STX12: variants seen among roughly 807,000 people sequenced by gnomAD.
STX12 encodes syntaxin-12.
Under a neutral mutation model 42.2 loss-of-function variants are expected in STX12, and 17 were observed. The ratio of observed to expected loss-of-function variants is 0.40; its 90% CI spans 0.28 to 0.60. The LOEUF (loss-of-function observed/expected upper bound fraction) is 0.60, where lower values mean the gene tolerates loss of function less well. Ranked by LOEUF, STX12 falls within the 20% of genes least tolerant of loss-of-function variation. The pLI is 0.39. For missense variants in STX12, 297 were observed against 330.9 expected, an observed-to-expected ratio of 0.90 and a Z score of 0.79; for synonymous variants, 108 against 116.7, an observed-to-expected ratio of 0.93 and a Z score of 0.48.
At position 27,773,318 on chromosome 1, in the gene STX12, G is replaced by T; in HGVS notation, c.11G>T (p.Gly4Val). The T allele has an allele frequency of 6.2e-7, 1 of 1,609,690 alleles. No individual in the cohort carries two copies. The highest frequency in any genetic ancestry group is 1.1e-5 in the South Asian group (1 of 90,604). MSYGPLDMYRNPGP... is the reference protein window; with the variant it reads MSYVPLDMYRNPGP... ...TCTCAGCTCCTCGTCATGTCATACG[G>T]TCCCTTAGACATGTACCGGAACCCG... is the stretch of plus-strand genomic sequence containing the variant. Residue 4 changes from glycine to valine, a missense_variant, in exon 1 of 9, where the codon GGT becomes GTT. Coordinates refer to ENST00000373943, the MANE Select transcript of STX12 (RefSeq NM_177424.3).
chr1:27,792,942 T>G (rs539123127), intron 2 of STX12, among the ~76,000 whole-genome samples: 36 of 152,318 alleles, frequency 2.4e-4, no homozygotes, highest in Non-Finnish European at 3.5e-4. Context: ...TTTTAACAGG[T>G]AAGGCTTCTT....
intron 4 of STX12, chr1:27,810,014 C>T (rs2088892571): frequency 1.3e-5 from 5 of 391,580 alleles, no homozygotes; most frequent in Non-Finnish European, 2.3e-5. Flanking sequence ...TATTATTCTC[C>T]ACCCTGTTCA....
chr1:27,781,045 A>T (rs2088664829), intron 1 of STX12, among the ~76,000 whole-genome samples: 1 of 151,774 alleles, frequency 6.6e-6, no homozygotes, highest in African/African-American at 2.4e-5. Context: ...TGACATTATT[A>T]TTATTTTTAT....
At chr1:27,816,279 A>G (rs2088940415) in intron 6 of STX12, among the ~76,000 whole-genome samples, 6 of 151,676 alleles carry the variant, frequency 4.0e-5, no homozygotes, top group Non-Finnish European at 7.4e-5. Context: ...GCACCATTGC[A>G]CTCCAGCCTA....
At chr1:27,776,582 T>C (rs1234517655) in intron 1 of STX12, among the ~76,000 whole-genome samples, 1 of 152,034 alleles carries the variant, frequency 6.6e-6, no homozygotes, top group Non-Finnish European at 1.5e-5. Flanking sequence ...CCAGACATGG[T>C]AGCATGTGCC....
chr1:27,821,362 A>G (rs2088983239), intron 8 of STX12, among the ~76,000 whole-genome samples: 1 of 152,166 alleles, frequency 6.6e-6, no homozygotes, highest in Non-Finnish European at 1.5e-5. Context: ...ATTGTTGCAT[A>G]TGGGAATTAA....
At chr1:27,802,458 G>A (rs1490484966) in intron 4 of STX12, among the ~76,000 whole-genome samples, 2 of 152,118 alleles carry the variant, frequency 1.3e-5, no homozygotes, top group Non-Finnish European at 2.9e-5. Context: ...TCTATCCCCC[G>A]GCAGATTACA....
chr1:27,793,619 C>G lies in STX12; in HGVS notation c.275C>G (p.Ser92Cys). 1.2e-6 allele frequency: 2 copies of G among 1,613,738 alleles called. No homozygotes were observed. The highest frequency in any genetic ancestry group is 2.2e-5 in the East Asian group (1 of 44,872). Residue 92 changes from serine (S) to cysteine (C), a missense_variant, in exon 3 of 9, where the codon TCT becomes TGT. Coordinates refer to ENST00000373943, the MANE Select transcript of STX12 (RefSeq NM_177424.3). ...TTAGGGTCCTTGCCCCTTCCCTTAT[C>G]TACTTCAGAACAGGTTGGTATTTTC... ...KELGSLPLPL[S>C]TSEQRQQRLQ...
chr1:27,789,508 T>C, intron 1 of STX12, 54 bp from the exon 2 acceptor site: 1 of 1,361,270 alleles, frequency 7.3e-7, no homozygotes, highest in Non-Finnish European at 1.0e-6. Flanking sequence ...AGTAGGGTAC[T>C]CATGATGAAT....
intron 4 of STX12, among the ~76,000 whole-genome samples, chr1:27,808,522 G>A (rs2088880353): frequency 6.6e-6 from 1 of 151,712 alleles, no homozygotes; most frequent in South Asian, 2.1e-4. Context: ...TTGTATTTTA[G>A]TAGAGACGGG....
At chr1:27,778,700 A>G (rs1030771935) in intron 1 of STX12, among the ~76,000 whole-genome samples, 4 of 131,534 alleles carry the variant, frequency 3.0e-5, no homozygotes, top group Non-Finnish European at 4.7e-5. Flanking sequence ...CCATCTCAGG[A>G]AAAAAAAAAA....
chr1:27,816,309 A>G (rs567444546), intron 6 of STX12, among the ~76,000 whole-genome samples: 61 of 151,228 alleles, frequency 4.0e-4, no homozygotes, highest in African/African-American at 1.4e-3. Flanking sequence ...GTGAAACTCT[A>G]CCTCAGAAAA....
chr1:27,803,874 G>A (rs1310107218), intron 4 of STX12, among the ~76,000 whole-genome samples: 1 of 152,012 alleles, frequency 6.6e-6, no homozygotes, highest in Non-Finnish European at 1.5e-5. Context: ...GGTAGCGCGT[G>A]CCTGTAATCC....
chr1:27,775,583 T>A lies in STX12; in HGVS notation c.118+2158T>A, dbSNP rs114633884. Among the ~76,000 whole-genome samples the A allele has an allele frequency of 6.3e-3, 960 of 152,286 alleles. 13 individuals carry two copies. The highest frequency in any genetic ancestry group is 0.022 in the African/African-American group (910 of 41,552). ...CATCATGCCTGGCCTTCAACATATA[T>A]TTATTTGAGTATGTAGTAAGTATAA... On this transcript the variant is annotated intron_variant, in intron 1 of 8. Coordinates refer to ENST00000373943, the MANE Select transcript of STX12 (RefSeq NM_177424.3).
Position 27,801,758 on chromosome 1 carries a change from G to T in STX12, c.369G>T (p.Arg123Ser). The change falls in exon 4 of 9, where the codon AGG becomes AGT. Residue 123 changes from arginine to serine, a missense_variant. Physicochemically the swap from Arg to Ser is moderately radical, Grantham distance 110. Coordinates refer to ENST00000373943, the MANE Select transcript of STX12 (RefSeq NM_177424.3). ...ALNNFQAVQR[R>S]VSEKEKESIA... ...ACAATTTCCAGGCTGTGCAGAGAAG[G>T]GTATCTGAAAAGGAAAAGGAGAGTA... 1 of 1,595,836 alleles carries T rather than the reference G, an allele frequency of 6.3e-7. No individual in the cohort carries two copies. The highest frequency in any genetic ancestry group is 8.5e-7 in the Non-Finnish European group (1 of 1,173,500).
intron 1 of STX12, 146 bp downstream of exon 1, chr1:27,773,571 G>GC (rs2088610309): frequency 1.5e-6 from 1 of 688,526 alleles, no homozygotes; most frequent in East Asian, 2.8e-5. Flanking sequence ...GCGGTGGGCT[G>GC]CCATCCCCCA....
At chr1:27,774,422 A>G (rs1236132981) in intron 1 of STX12, among the ~76,000 whole-genome samples, 1 of 152,140 alleles carries the variant, frequency 6.6e-6, no homozygotes, top group Admixed American at 6.5e-5. Flanking sequence ...TTGTTTTGTG[A>G]GCTTGGCGTA....
chr1:27,781,726 C>A (rs1051126730), intron 1 of STX12, among the ~76,000 whole-genome samples: 1 of 152,052 alleles, frequency 6.6e-6, no homozygotes, highest in African/African-American at 2.4e-5. Context: ...ATTGTCACCC[C>A]AAGCAGAGAG....
At chr1:27,811,151 C>G (rs1320491372) in intron 5 of STX12, among the ~76,000 whole-genome samples, 4 of 149,998 alleles carry the variant, frequency 2.7e-5, no homozygotes, top group African/African-American at 9.8e-5. Context: ...GAAACCCCAT[C>G]TCTACTAAAA....
Sources: allele counts gnomAD v4.1 joint callset (sites outside exome capture counted in the v4.1 genomes callset), GRCh38; gene constraint gnomAD v4.1.1; transcripts MANE v1.5; gene names NCBI Gene and HGNC (gene_info 2026-07-23, HGNC 2026-07-21).